The following LCP1 variants were observed in gnomAD, a reference collection of about 807,000 sequenced individuals.
LCP1 encodes the protein plastin-2.
Under a neutral mutation model 72.0 loss-of-function variants are expected in LCP1, and 23 were observed. That is an observed-to-expected ratio of 0.32 (90% CI 0.23 to 0.45). The LOEUF (loss-of-function observed/expected upper bound fraction) is 0.45, where lower values mean the gene tolerates loss of function less well. Among genes scored for constraint, LCP1 ranks in the 20% least tolerant of loss-of-function variants. The pLI is 1.00. For missense variants in LCP1, 571 were observed against 748.3 expected (o/e 0.76, Z 2.76); for synonymous variants, 245 against 275.4 (o/e 0.89, Z 1.09).
At position 46,143,276 on chromosome 13, in the gene LCP1, C is replaced by T; in HGVS notation, c.1368+14G>A. ...TTGCCTGTCTCCTGGAACAACAGAACCATCATTGTTTACCTTCTTCATATT... is the reference window on the plus strand; with the variant it reads ...TTGCCTGTCTCCTGGAACAACAGAATCATCATTGTTTACCTTCTTCATATT... On this transcript the variant is annotated intron_variant, in intron 12 of 15. Coordinates refer to ENST00000323076, the MANE Select transcript of LCP1 (RefSeq NM_002298.5). The T allele has an allele frequency of 6.4e-7, 1 of 1,573,814 alleles. No homozygotes were observed.
chr13:46,163,005 A>G (rs2045852998), intron 1 of LCP1, among the ~76,000 whole-genome samples: 1 of 146,658 alleles, frequency 6.8e-6, no homozygotes, highest in Admixed American at 7.1e-5. Flanking sequence ...CCCGTCGGGG[A>G]GGGAGGTGGG....
intron 14 of LCP1, among the ~76,000 whole-genome samples, chr13:46,133,922 G>A (rs1175294993): frequency 6.6e-6 from 1 of 152,070 alleles, no homozygotes; most frequent in Middle Eastern, 3.2e-3. Context: ...GGGTTTTTAT[G>A]ATTAACTTAT....
intron 1 of LCP1, among the ~76,000 whole-genome samples, chr13:46,170,431 A>G (rs1424500412): frequency 6.6e-6 from 1 of 152,126 alleles, no homozygotes; most frequent in African/African-American, 2.4e-5. Context: ...TTGCTGTAAA[A>G]CCTGCTGGCT....
intron 9 of LCP1, 118 bp downstream of exon 9, chr13:46,148,234 G>T: frequency 1.5e-6 from 1 of 671,152 alleles, no homozygotes; most frequent in South Asian, 2.0e-5. Flanking sequence ...GTTTTAACAG[G>T]GCTTTAGGCA....
At position 46,174,430 on chromosome 13, in the gene LCP1, C is replaced by G. The variant is rs151227901; in HGVS notation, c.-25+7681G>C. Among the ~76,000 whole-genome samples the G allele has an allele frequency of 7.0e-3, 1,063 of 152,154 alleles. 5 individuals carry two copies. Among genetic ancestry groups the G allele is most frequent in the Non-Finnish European group, 0.011 (742 of 67,994 alleles). On this transcript the variant is annotated intron_variant, in intron 1 of 15. Coordinates refer to ENST00000323076, the MANE Select transcript of LCP1 (RefSeq NM_002298.5). ...ATAGCCTAATCTAATATCTTCACAGCTATTATTTTAAAGACTTCCCACCAT... is the reference window on the plus strand; with the variant it reads ...ATAGCCTAATCTAATATCTTCACAGGTATTATTTTAAAGACTTCCCACCAT...
At chr13:46,144,574 T>C (rs961735004) in intron 10 of LCP1, 54 bp from the exon 11 acceptor site, 49 of 1,277,020 alleles carry the variant, frequency 3.8e-5, no homozygotes, top group Non-Finnish European at 5.1e-5. Flanking sequence ...ATAGCTTTTT[T>C]ATGACCAAAG....
At position 46,158,558 on chromosome 13, in the gene LCP1, C is replaced by G. The variant is rs1348813505; in HGVS notation, c.322G>C (p.Glu108Gln). ...TGTTGGGTGCCAACGCTAGACTGCT[C>G]TGAAGTACCACCGATTGCACAAATC... is the stretch of plus-strand genomic sequence containing the variant. ...EGICAIGGTS[E>Q]QSSVGTQHSY... The change falls in exon 4 of 16, where the codon GAG becomes CAG. Residue 108 changes from glutamate to glutamine, a missense_variant. Coordinates refer to ENST00000323076, the MANE Select transcript of LCP1 (RefSeq NM_002298.5). 6.2e-7 allele frequency: 1 copy of G among 1,614,178 alleles called. No individual in the cohort carries two copies. Among genetic ancestry groups the G allele is most frequent in the Admixed American group, 1.7e-5 (1 of 60,034 alleles).
chr13:46,141,755 T>A (rs1352238380), intron 13 of LCP1, among the ~76,000 whole-genome samples: 1 of 152,188 alleles, frequency 6.6e-6, no homozygotes, highest in Admixed American at 6.5e-5. Flanking sequence ...TGATACCAAA[T>A]GGAAATCTTG....
In LCP1 at chr13:46,126,171, C is replaced by T; in HGVS notation, c.*1420G>A. ...GGAACAGATCCAGAGCAATGCATTT[C>T]AATTGCTTTGAAAAATGGCTAAGTT... On this transcript the variant is annotated 3_prime_UTR_variant, in exon 16 of 16. Coordinates refer to ENST00000323076, the MANE Select transcript of LCP1 (RefSeq NM_002298.5). 1 of 220,152 alleles carries T rather than the reference C, an allele frequency of 4.5e-6. No homozygotes were observed. The highest frequency in any genetic ancestry group is 9.1e-6 in the Non-Finnish European group (1 of 109,586). 13.6% of individuals were successfully genotyped at this position (220,152 alleles called of 1,614,324 possible).
At position 46,158,236 on chromosome 13, in the gene LCP1, A is replaced by C. The variant is rs114821220; in HGVS notation, c.358+286T>G. Among the ~76,000 whole-genome samples the C allele has an allele frequency of 5.4e-3, 819 of 152,296 alleles. 4 individuals carry two copies. The highest frequency in any genetic ancestry group is 0.019 in the African/African-American group (790 of 41,556). On this transcript the variant is annotated intron_variant, in intron 4 of 15. Coordinates refer to ENST00000323076, the MANE Select transcript of LCP1 (RefSeq NM_002298.5). The stretch of plus-strand genomic sequence containing the variant: ...TTAAAAATTATCATGAAGTTTAAAG[A>C]TAGAAGCTTGAGTAGCTAATTTTGT...
At chr13:46,156,381 G>T in intron 5 of LCP1, 57 bp downstream of exon 5, 2 of 1,596,476 alleles carry the variant, frequency 1.3e-6, no homozygotes, top group South Asian at 1.1e-5. Context: ...ACGATTAATT[G>T]TTGATGGTCT....
intron 13 of LCP1, among the ~76,000 whole-genome samples, chr13:46,141,068 G>A (rs1025755914): frequency 2.6e-5 from 4 of 152,114 alleles, no homozygotes; most frequent in Non-Finnish European, 5.9e-5. Context: ...TTGATGGAAA[G>A]TATAAACCCA....
At position 46,165,007 on chromosome 13, in the gene LCP1, G is replaced by GT. The variant is rs564814339; in HGVS notation, c.-24-5322dup. 5.9e-5 allele frequency among the ~76,000 whole-genome samples: 9 copies of GT among 152,300 alleles called. No homozygotes were observed. In the South Asian group the frequency reaches 1.9e-3, roughly 32 times the overall value. ...AATTAAACTGAATGTGCAAAGGGCA[G>GT]TAATTTCACAAAGCAAAGCAGCAGG... On this transcript the variant is annotated intron_variant, in intron 1 of 15. Coordinates refer to ENST00000323076, the MANE Select transcript of LCP1 (RefSeq NM_002298.5).
chr13:46,158,684 A>G, intron 3 of LCP1, 33 bp from the exon 4 acceptor site: 1 of 1,613,246 alleles, frequency 6.2e-7, no homozygotes, highest in South Asian at 1.1e-5. Context: ...TAGAAACTCA[A>G]GCAGTGATCA....
intron 1 of LCP1, among the ~76,000 whole-genome samples, chr13:46,163,507 G>T (rs531003207): frequency 2.0e-5 from 3 of 150,690 alleles, no homozygotes; most frequent in Non-Finnish European, 4.4e-5. Flanking sequence ...GCGGAAGGCC[G>T]CAGGGTCCTC....
chr13:46,149,807 T>G (rs1461136529), intron 8 of LCP1, among the ~76,000 whole-genome samples: 27 of 152,222 alleles, frequency 1.8e-4, no homozygotes, highest in Admixed American at 1.8e-3. Context: ...TCTGACAGCC[T>G]AATTTTGTCT....
At chr13:46,155,360 A>T (rs1176399994) in intron 5 of LCP1, among the ~76,000 whole-genome samples, 1 of 152,228 alleles carries the variant, frequency 6.6e-6, no homozygotes, top group Admixed American at 6.5e-5. Flanking sequence ...TATCCTTCTC[A>T]GTGCCCTAGG....
intron 15 of LCP1, among the ~76,000 whole-genome samples, chr13:46,130,145 A>G (rs904783193): frequency 4.6e-5 from 7 of 152,228 alleles, no homozygotes; most frequent in African/African-American, 7.2e-5. Context: ...GCCCAAGGAA[A>G]CTAACGGAAT....
Position 46,157,341 on chromosome 13 carries a change from T to G in LCP1, c.359-771A>C, listed in dbSNP as rs539499197. Among the ~76,000 whole-genome samples the G allele has an allele frequency of 8.5e-5, 13 of 152,288 alleles. No individual in the cohort carries two copies. The South Asian group carries it at 2.7e-3, about 32-fold the overall frequency. On this transcript the variant is annotated intron_variant, in intron 4 of 15. Transcript: ENST00000323076. ...GATTCCGCTTTTAGCTCTGCTGGTT[T>G]AAATGTTGGATCACTGTGGACAATC...
Sources: allele counts gnomAD v4.1 joint callset (sites outside exome capture counted in the v4.1 genomes callset), GRCh38; gene constraint gnomAD v4.1.1; transcripts MANE v1.5; gene names NCBI Gene and HGNC (gene_info 2026-07-23, HGNC 2026-07-21).